The following ANXA4 variants were observed in gnomAD, a reference collection of about 807,000 sequenced individuals.
ANXA4 encodes 35-beta calcimedin.
Under a neutral mutation model 49.8 loss-of-function variants are expected in ANXA4, and 39 were observed. That is an observed-to-expected ratio of 0.78 (90% confidence interval 0.61 to 1.02). The LOEUF (loss-of-function observed/expected upper bound fraction) is 1.02. Among genes scored for constraint, ANXA4 ranks in the 50% least tolerant of loss-of-function variants. The probability of loss-of-function intolerance (pLI) is 0.00; values close to 1 mark genes in which losing one functional copy is unlikely to be tolerated. For missense variants in ANXA4, 360 were observed against 410.1 expected (o/e 0.88, Z 1.05); for synonymous variants, 134 against 152.5 (o/e 0.88, Z 0.89).
In ANXA4 at chr2:69,681,158, T is replaced by G. The variant is rs759853589; in HGVS notation, n.766+27876T>G. Among the ~76,000 whole-genome samples, 55 of 152,278 alleles carry G rather than the reference T, an allele frequency of 3.6e-4. 2 individuals carry two copies. The highest frequency in any genetic ancestry group is 1.3e-3 in the Admixed American group (20 of 15,304). On this transcript the variant is annotated intron_variant and non_coding_transcript_variant, in intron 2 of 3. Transcript: ENST00000418066. ...GGACTTTTCTTTGTTGAGAGACTTT[T>G]TATTACTGATTTAATTTCATTACTC...
chr2:69,795,711 T>C (rs530645753), intron 3 of ANXA4, among the ~76,000 whole-genome samples: 2 of 152,346 alleles, frequency 1.3e-5, no homozygotes, highest in Middle Eastern at 3.4e-3. Context: ...TCTGGATTAA[T>C]GTTGGCTTTC....
At chr2:69,797,533 A>G (rs6734869) in intron 3 of ANXA4, among the ~76,000 whole-genome samples, 51,121 of 152,040 alleles carry the variant, frequency 0.34, 9,799 homozygotes, top group African/African-American at 0.49. Context: ...GCCCCTTAAT[A>G]GAGGGAGTGT....
At chr2:69,738,714 A>G (rs1573170798), upstream of ANXA4, among the ~76,000 whole-genome samples, 2 of 152,288 alleles carry the variant, frequency 1.3e-5, no homozygotes, top group East Asian at 3.9e-4. Context: ...AGGAAATCTG[A>G]CCCTGAGCCT....
chr2:69,795,119 G>A (rs374394678), intron 3 of ANXA4, among the ~76,000 whole-genome samples: 35 of 152,252 alleles, frequency 2.3e-4, no homozygotes, highest in African/African-American at 8.2e-4. Flanking sequence ...ATCTTCCTGA[G>A]CCTTCCTTGA....
chr2:69,825,318 C>G (rs1342395483), intron 12 of ANXA4, 138 bp from the exon 13 acceptor site: 4 of 676,688 alleles, frequency 5.9e-6, no homozygotes, highest in Non-Finnish European at 1.0e-5. Flanking sequence ...TAAGTATTAC[C>G]TTCGTAATAA....
At chr2:69,821,617 G>C (rs751513525) in intron 12 of ANXA4, among the ~76,000 whole-genome samples, 14 of 151,964 alleles carry the variant, frequency 9.2e-5, no homozygotes, top group Non-Finnish European at 1.6e-4. Context: ...CTACAGGCAT[G>C]AGCTTTGTAT....
At chr2:69,730,739 G>C (rs934744598) in intron 3 of ANXA4, among the ~76,000 whole-genome samples, 1 of 152,178 alleles carries the variant, frequency 6.6e-6, no homozygotes, top group African/African-American at 2.4e-5. Flanking sequence ...GTTTGGGTGT[G>C]TTTTCTCCTT....
chr2:69,702,244 C>T (rs1389938193), intron 2 of ANXA4, among the ~76,000 whole-genome samples: 5 of 151,960 alleles, frequency 3.3e-5, no homozygotes, highest in Non-Finnish European at 7.4e-5. Context: ...AACTCCTGAC[C>T]TCAAATGATC....
At chr2:69,730,062 A>G (rs1315115124) in intron 3 of ANXA4, among the ~76,000 whole-genome samples, 1 of 152,236 alleles carries the variant, frequency 6.6e-6, no homozygotes, top group East Asian at 1.9e-4. Flanking sequence ...GGGAGGGGCC[A>G]GGCACGATGG....
At chr2:69,763,326 A>C (rs941118155) in intron 1 of ANXA4, among the ~76,000 whole-genome samples, 7 of 152,206 alleles carry the variant, frequency 4.6e-5, no homozygotes, top group Non-Finnish European at 1.0e-4. Flanking sequence ...CTCTCTGCTC[A>C]GTTCCAGATC....
chr2:69,735,284 G>A (rs372246256), intron 3 of ANXA4, among the ~76,000 whole-genome samples: 88 of 152,298 alleles, frequency 5.8e-4, no homozygotes, highest in African/African-American at 2.0e-3. Context: ...GGGTGGATCT[G>A]ACAAGCAGTT....
intron 1 of ANXA4, among the ~76,000 whole-genome samples, chr2:69,757,064 C>G (rs1671065985): frequency 6.7e-6 from 1 of 149,256 alleles, no homozygotes; most frequent in South Asian, 2.1e-4. Flanking sequence ...CTAGCTGAGA[C>G]TACAGGCACG....
chr2:69,778,495 G>A (rs1414010419), intron 1 of ANXA4, among the ~76,000 whole-genome samples: 1 of 152,168 alleles, frequency 6.6e-6, no homozygotes, highest in Non-Finnish European at 1.5e-5. Flanking sequence ...GTAAAGTTGG[G>A]CTGGGCGCGG....
chr2:69,736,832 C>T (rs774264802), intron 3 of ANXA4, among the ~76,000 whole-genome samples: 11 of 152,186 alleles, frequency 7.2e-5, no homozygotes, highest in African/African-American at 1.2e-4. Flanking sequence ...TACAGAGTCT[C>T]GCTCTATCAC....
chr2:69,825,144 A>C (rs966719610), intron 12 of ANXA4, among the ~76,000 whole-genome samples: 1 of 151,924 alleles, frequency 6.6e-6, no homozygotes, highest in African/African-American at 2.4e-5. Context: ...TAAGTGAAAA[A>C]GCAGAACACA....
At chr2:69,694,527 C>T (rs1183353147) in intron 2 of ANXA4, among the ~76,000 whole-genome samples, 1 of 113,642 alleles carries the variant, frequency 8.8e-6, no homozygotes, top group Non-Finnish European at 1.8e-5. Flanking sequence ...TCCCCCCTCC[C>T]CCCACCCCAC....
rs185761610 is a variant in ANXA4 at position 69,745,916 on chromosome 2, C to T, written c.-47+3741C>T. On this transcript the variant is annotated intron_variant, in intron 1 of 12. Coordinates refer to ENST00000394295, the MANE Select transcript of ANXA4 (RefSeq NM_001153.5). Reference sequence around the variant, plus strand: ...GCATTAATAAAAACATATCACCTTCCCAAGGAAACTTAGGTTTTGGTCATT... The same window carrying T: ...GCATTAATAAAAACATATCACCTTCTCAAGGAAACTTAGGTTTTGGTCATT... 3.7e-4 allele frequency among the ~76,000 whole-genome samples: 57 copies of T among 152,290 alleles called. No homozygotes were observed. In the East Asian group the frequency reaches 8.5e-3, roughly 23 times the overall value.
intron 1 of ANXA4, among the ~76,000 whole-genome samples, chr2:69,780,878 T>C (rs1309481963): frequency 6.6e-6 from 1 of 152,180 alleles, no homozygotes; most frequent in African/African-American, 2.4e-5. Context: ...AAGACATTTC[T>C]TGCATTCTGA....
intron 2 of ANXA4, chr2:69,713,922 C>T (rs1678774614): frequency 6.6e-6 from 1 of 152,298 alleles, no homozygotes; most frequent in African/African-American, 2.4e-5. Context: ...ACACAAAGGT[C>T]GGACTCCCTG....
Sources: allele counts gnomAD v4.1 joint callset (sites outside exome capture counted in the v4.1 genomes callset), GRCh38; gene constraint gnomAD v4.1.1; transcripts MANE v1.5; gene names NCBI Gene and HGNC (gene_info 2026-07-23, HGNC 2026-07-21).